The following VPS13A variants were observed in gnomAD, a reference collection of about 807,000 sequenced individuals.
VPS13A encodes the protein intermembrane lipid transfer protein VPS13A.
A neutral mutation model predicts 390.9 loss-of-function variants in VPS13A; 264 were observed. The ratio of observed to expected loss-of-function variants is 0.68; its 90% CI spans 0.61 to 0.75. The LOEUF is 0.75. VPS13A is among the 30% of genes least tolerant of loss of function. The pLI is 0.00. For synonymous variants in VPS13A, 1,231 were observed against 1,227.1 expected, an observed-to-expected ratio of 1.00 and a Z score of -0.07; for missense variants, 3,409 against 3,733.9, an observed-to-expected ratio of 0.91 and a Z score of 2.27.
chr9:77,364,440 A>G (rs1000831644), intron 59 of VPS13A, among the ~76,000 whole-genome samples: 5 of 152,022 alleles, frequency 3.3e-5, no homozygotes, highest in Non-Finnish European at 7.4e-5. Context: ...AAAACAAACA[A>G]ACAAAAAAAA....
intron 37 of VPS13A, 132 bp from the exon 38 acceptor site, chr9:77,315,121 T>C: frequency 1.3e-6 from 1 of 774,348 alleles, no homozygotes; most frequent in South Asian, 1.7e-5. Flanking sequence ...TTTATGGATC[T>C]TCCCAAGAGA....
intron 5 of VPS13A, among the ~76,000 whole-genome samples, chr9:77,207,419 T>C (rs1825745373): frequency 6.7e-6 from 1 of 150,314 alleles, no homozygotes; most frequent in African/African-American, 2.4e-5. Context: ...ACACATCCTT[T>C]TATGATGTAC....
intron 45 of VPS13A, among the ~76,000 whole-genome samples, chr9:77,325,659 TTTG>T (rs902792540): frequency 3.3e-5 from 5 of 152,138 alleles, no homozygotes; most frequent in African/African-American, 1.2e-4. Flanking sequence ...TCCTTGTCTT[TTTG>T]TTGTTGTTGT....
chr9:77,315,261 G>T lies in VPS13A; in HGVS notation c.4421G>T (p.Gly1474Val). 1 of 1,613,770 alleles carries T rather than the reference G, an allele frequency of 6.2e-7. No homozygotes were observed. Among genetic ancestry groups the T allele is most frequent in the South Asian group, 1.1e-5 (1 of 91,070 alleles). ...GTTATTGTGTTTTCCAGAATGATAG[G>T]ACTGACAGTTGGTTTTGACAAAAAA... ...HVKKATPRMIGLTVGFDKKDM... is the reference protein window; with the variant it reads ...HVKKATPRMIVLTVGFDKKDM... The change falls in exon 38 of 72, where the codon GGA becomes GTA. Residue 1474 changes from glycine to valine, a missense_variant. Coordinates refer to ENST00000360280, the MANE Select transcript of VPS13A (RefSeq NM_033305.3).
At chr9:77,259,092 T>C (rs767282631) in intron 22 of VPS13A, among the ~76,000 whole-genome samples, 6 of 152,266 alleles carry the variant, frequency 3.9e-5, no homozygotes, top group Non-Finnish European at 7.4e-5. Flanking sequence ...TTAGAAGTTA[T>C]TTGGTTTCTA....
At chr9:77,348,059 G>A (rs557503254) in intron 52 of VPS13A, among the ~76,000 whole-genome samples, 1 of 152,298 alleles carries the variant, frequency 6.6e-6, no homozygotes, top group East Asian at 1.9e-4. Context: ...GTGGAAGACA[G>A]TGTGGTGATT....
intron 19 of VPS13A, among the ~76,000 whole-genome samples, chr9:77,242,208 T>C (rs536461070): frequency 6.6e-6 from 1 of 152,308 alleles, no homozygotes; most frequent in East Asian, 1.9e-4. Context: ...ATATTCACTT[T>C]ATCCTTATTG....
At chr9:77,301,241 G>A (rs1236635084) in intron 33 of VPS13A, among the ~76,000 whole-genome samples, 3 of 152,066 alleles carry the variant, frequency 2.0e-5, no homozygotes, top group Admixed American at 6.6e-5. Flanking sequence ...GTGAAGAATT[G>A]GAAAATATGA....
chr9:77,358,322 C>A, intron 56 of VPS13A, 35 bp from the exon 57 acceptor site: 1 of 1,495,332 alleles, frequency 6.7e-7, no homozygotes, highest in Non-Finnish European at 9.3e-7. Context: ...GTATAATTGA[C>A]ATATTAATAT....
intron 57 of VPS13A, 93 bp from the exon 58 acceptor site, chr9:77,359,240 T>G: frequency 1.0e-6 from 1 of 1,003,640 alleles, no homozygotes; most frequent in African/African-American, 1.6e-5. Context: ...ATTTAGTAAA[T>G]GATTTAATTT....
intron 68 of VPS13A, chr9:77,384,657 G>C: frequency 6.2e-7 from 1 of 1,603,652 alleles, no homozygotes; most frequent in Non-Finnish European, 8.5e-7. Flanking sequence ...TGATGATGAT[G>C]ATGATGAGTC....
rs1001640441 is a variant in VPS13A at position 77,247,070 on chromosome 9, A to G, written c.1901-189A>G. On this transcript the variant is annotated intron_variant, in intron 19 of 71. Coordinates refer to ENST00000360280, the MANE Select transcript of VPS13A (RefSeq NM_033305.3). Reference sequence around the variant, plus strand: ...AATCACTCCAATTTTGTACTCAGCTATATTTAAATAGGAGTACATGCATTG... The same window carrying G: ...AATCACTCCAATTTTGTACTCAGCTGTATTTAAATAGGAGTACATGCATTG... 1.4e-4 allele frequency among the ~76,000 whole-genome samples: 22 copies of G among 152,068 alleles called. 1 individual carries two copies. Among genetic ancestry groups the G allele is most frequent in the Admixed American group, 4.6e-4 (7 of 15,276 alleles).
chr9:77,406,925 C>G (rs1175907325), intron 70 of VPS13A, among the ~76,000 whole-genome samples: 2 of 152,114 alleles, frequency 1.3e-5, no homozygotes, highest in East Asian at 3.9e-4. Context: ...AATATCTGCT[C>G]TGAGACAGTC....
At chr9:77,390,950 A>G (rs938363820) in intron 68 of VPS13A, among the ~76,000 whole-genome samples, 2 of 152,210 alleles carry the variant, frequency 1.3e-5, no homozygotes, top group African/African-American at 4.8e-5. Context: ...TTAAGAAAGG[A>G]TAAATGCTAC....
At chr9:77,314,847 C>G (rs992503175) in intron 37 of VPS13A, among the ~76,000 whole-genome samples, 183 bp downstream of exon 37, 1 of 152,098 alleles carries the variant, frequency 6.6e-6, no homozygotes, top group African/African-American at 2.4e-5. Context: ...ATGTACTATT[C>G]TTACTGGATA....
chr9:77,358,395 G>A lies in VPS13A; in HGVS notation c.7992G>A (p.Val2664=). Reference sequence around the variant, plus strand: ...TACATGGTGCTGTATTTCCCTTTGTGTTTTATCCTGTTAAACCTCCAAAGT... The same window carrying A: ...TACATGGTGCTGTATTTCCCTTTGTATTTTATCCTGTTAAACCTCCAAAGT... ...NQIHGAVFPF[V]FYPVKPPKSV... The change falls in exon 57 of 72, where the codon GTG becomes GTA. Residue 2664 remains valine (V), a synonymous_variant. Coordinates refer to ENST00000360280, the MANE Select transcript of VPS13A (RefSeq NM_033305.3). The A allele has an allele frequency of 6.2e-7, 1 of 1,613,466 alleles. No individual in the cohort carries two copies. The highest frequency in any genetic ancestry group is 8.5e-7 in the Non-Finnish European group (1 of 1,179,894).
rs559212362 is a variant in VPS13A at position 77,418,492 on chromosome 9, C to G, written c.*2486C>G. ...GATTTCTTCACATTTGCAAAATACT[C>G]TCTGAGCCAAAAGGCACATACAGTT... On this transcript the variant is annotated 3_prime_UTR_variant, in exon 72 of 72. Coordinates refer to ENST00000360280, the MANE Select transcript of VPS13A (RefSeq NM_033305.3). 6.6e-6 allele frequency: 1 copy of G among 152,308 alleles called. No homozygotes were observed. The highest frequency in any genetic ancestry group is 1.9e-4 in the East Asian group (1 of 5,182). The allele number at this position is 152,308 out of a possible 1,614,324, so 9.4% of individuals were successfully genotyped here.
chr9:77,374,691 A>T (rs1224995066), intron 67 of VPS13A, among the ~76,000 whole-genome samples: 1 of 152,196 alleles, frequency 6.6e-6, no homozygotes, highest in Non-Finnish European at 1.5e-5. Context: ...CTCTTCCTTT[A>T]TGCAGGTAAT....
intron 17 of VPS13A, among the ~76,000 whole-genome samples, chr9:77,234,850 T>C (rs1461538592): frequency 3.3e-5 from 5 of 152,184 alleles, no homozygotes; most frequent in Admixed American, 3.3e-4. Context: ...AGGGCTACTA[T>C]ATAGGGATTA....
Sources: gnomAD v4.1 joint callset for allele counts (sites outside exome capture counted in the v4.1 genomes callset) on GRCh38, gnomAD v4.1.1 for gene constraint, MANE v1.5 for transcripts, NCBI Gene and HGNC (gene_info 2026-07-23, HGNC 2026-07-21) for gene names.